The following SCN10A variants were observed in gnomAD, a reference collection of about 807,000 sequenced individuals.
The protein encoded by SCN10A is sodium channel protein type 10 subunit alpha.
A neutral mutation model predicts 170.7 loss-of-function variants in SCN10A; 162 were observed. The observed-to-expected ratio is 0.95, with a 90% CI of 0.84 to 1.08. The LOEUF is 1.08. Among genes scored for constraint, SCN10A ranks in the 50% least tolerant of loss-of-function variants. SCN10A has a pLI of 0.00. For synonymous variants in SCN10A, 985 were observed against 904.6 expected (o/e 1.09, Z -1.59); for missense variants, 2,527 against 2,436.9 (o/e 1.04, Z -0.78).
intron 8 of SCN10A, among the ~76,000 whole-genome samples, chr3:38,759,469 C>T (rs1405277404): frequency 6.6e-6 from 1 of 152,110 alleles, no homozygotes; most frequent in Admixed American, 6.5e-5. Context: ...GGAAGCCTTC[C>T]CTACTTTCTC....
intron 4 of SCN10A, among the ~76,000 whole-genome samples, chr3:38,771,808 A>T (rs2064003562): frequency 6.6e-6 from 1 of 152,206 alleles, no homozygotes; most frequent in Non-Finnish European, 1.5e-5. Flanking sequence ...ATGAGTGGTA[A>T]CTGACAGAGC....
chr3:38,717,135 A>G (rs1194620430), intron 21 of SCN10A, among the ~76,000 whole-genome samples: 1 of 152,174 alleles, frequency 6.6e-6, no homozygotes, highest in Non-Finnish European at 1.5e-5. Flanking sequence ...GATGGAAGGA[A>G]GTTTAGAATA....
At chr3:38,703,574 G>A (rs72864380) in intron 26 of SCN10A, among the ~76,000 whole-genome samples, 5,947 of 152,228 alleles carry the variant, frequency 0.039, 363 homozygotes, top group African/African-American at 0.13. Flanking sequence ...ATCCAAGGAC[G>A]CTTGTCTGAT....
intron 6 of SCN10A, among the ~76,000 whole-genome samples, chr3:38,763,098 G>A (rs907021530): frequency 6.6e-6 from 1 of 152,134 alleles, no homozygotes; most frequent in African/African-American, 2.4e-5. Context: ...TTAGACCTAC[G>A]GAAACAGTGA....
intron 13 of SCN10A, among the ~76,000 whole-genome samples, chr3:38,744,094 T>C (rs1164583143): frequency 6.6e-6 from 1 of 152,218 alleles, no homozygotes; most frequent in African/African-American, 2.4e-5. Flanking sequence ...GCATAATACA[T>C]TGTGAAAAAG....
chr3:38,802,837 G>A (rs554639074), intron 1 of SCN10A, among the ~76,000 whole-genome samples: 1 of 152,212 alleles, frequency 6.6e-6, no homozygotes, highest in South Asian at 2.1e-4. Context: ...CACAGCAAAA[G>A]AAACTACCAT....
intron 20 of SCN10A, among the ~76,000 whole-genome samples, chr3:38,720,974 G>A (rs141044126): frequency 6.6e-6 from 1 of 152,276 alleles, no homozygotes; most frequent in Non-Finnish European, 1.5e-5. Flanking sequence ...CTGTGCCAGG[G>A]CACTGGGCAC....
intron 1 of SCN10A, among the ~76,000 whole-genome samples, chr3:38,804,865 T>C (rs180751622): frequency 7.2e-5 from 11 of 152,198 alleles, no homozygotes; most frequent in Admixed American, 7.2e-4. Flanking sequence ...ATTACAAAGA[T>C]GCGGTAGCCA....
rs2064291016 is a variant in SCN10A at position 38,792,155 on chromosome 3, A to G, written c.284T>C (p.Leu95Pro). Reference sequence around the variant, plus strand: ...CCGGGAAATGGTCCTCCCTTTGTTCAGCACCATAAATGTCTGAAACAAAAC... The same window carrying G: ...CCGGGAAATGGTCCTCCCTTTGTTCGGCACCATAAATGTCTGAAACAAAAC... ...FYSTHRTFMV[L>P]NKGRTISRFS... Residue 95 changes from leucine to proline, a missense_variant, in exon 3 of 28, where the codon CTG becomes CCG. Physicochemically the swap from Leu to Pro is moderately conservative, Grantham distance 98. Coordinates refer to ENST00000449082, the MANE Select transcript of SCN10A (RefSeq NM_006514.4). 1 of 1,613,736 alleles carries G rather than the reference A, an allele frequency of 6.2e-7. No individual in the cohort carries two copies.
rs763130803 is a variant in SCN10A, at chr3:38,712,295, A to G, written c.3955T>C (p.Ser1319Pro). ...RCINYTDGEF[S>P]LVPLSIVNNK... ...TTCACAATCGACAAAGGTACAAGGG[A>G]AAACTCTCCATCGGTATAGTTGATG... The change falls in exon 23 of 28, where the codon TCC (serine) becomes CCC (proline). Residue 1319 changes from serine to proline, a missense_variant. Coordinates refer to ENST00000449082, the MANE Select transcript of SCN10A (RefSeq NM_006514.4). 4 of 1,614,216 alleles carry G rather than the reference A, an allele frequency of 2.5e-6. No homozygotes were observed. Among genetic ancestry groups the G allele is most frequent in the East Asian group, 4.5e-5 (2 of 44,886 alleles).
intron 5 of SCN10A, among the ~76,000 whole-genome samples, chr3:38,765,576 A>G (rs1264901093): frequency 6.6e-6 from 1 of 151,994 alleles, no homozygotes; most frequent in African/African-American, 2.4e-5. Context: ...CTATGTGCTT[A>G]TTTTTATACC....
intron 1 of SCN10A, among the ~76,000 whole-genome samples, chr3:38,808,540 T>C (rs909733391): frequency 1.3e-5 from 2 of 152,200 alleles, no homozygotes; most frequent in Non-Finnish European, 2.9e-5. Context: ...ATGTGACACA[T>C]GTAAGTGTTT....
chr3:38,728,797 G>A lies in SCN10A; in HGVS notation c.2385C>T (p.Ala795=). ...CCAGAGCAAAGACAAAGACAATGAT[G>A]GCCAGGATGATGGTGAGGTTCCCCA... ...GALGNLTIIL[A]IIVFVFALVG... The change falls in exon 16 of 28, where the codon GCC becomes GCT. Residue 795 remains alanine (A), a synonymous_variant. Coordinates refer to ENST00000449082, the MANE Select transcript of SCN10A (RefSeq NM_006514.4). The A allele has an allele frequency of 1.2e-6, 2 of 1,614,126 alleles. No individual in the cohort carries two copies. Among genetic ancestry groups the A allele is most frequent in the South Asian group, 2.2e-5 (2 of 91,074 alleles).
At chr3:38,798,132 G>A (rs1236301837) in intron 1 of SCN10A, among the ~76,000 whole-genome samples, 1 of 152,144 alleles carries the variant, frequency 6.6e-6, no homozygotes, top group Non-Finnish European at 1.5e-5. Context: ...GCTATTTCTA[G>A]GAATGTCATA....
chr3:38,750,332 G>A (rs558384946), intron 12 of SCN10A, 148 bp from the exon 13 acceptor site: 2 of 580,402 alleles, frequency 3.4e-6, no homozygotes, highest in Non-Finnish European at 6.2e-6. Flanking sequence ...ACATCATTAG[G>A]TGATTTCATC....
chr3:38,801,681 T>C (rs1295778442), intron 1 of SCN10A, among the ~76,000 whole-genome samples: 1 of 152,138 alleles, frequency 6.6e-6, no homozygotes, highest in Middle Eastern at 3.4e-3. Context: ...AAGAACCCAA[T>C]AGAGGTCTTT....
At chr3:38,803,501 G>A (rs1423807464) in intron 1 of SCN10A, among the ~76,000 whole-genome samples, 9 of 152,122 alleles carry the variant, frequency 5.9e-5, no homozygotes, top group Admixed American at 5.9e-4. Flanking sequence ...TCCTTTGTAG[G>A]GACATGGATG....
At chr3:38,786,554 C>T (rs1206486138) in intron 4 of SCN10A, among the ~76,000 whole-genome samples, 3 of 152,092 alleles carry the variant, frequency 2.0e-5, no homozygotes, top group Non-Finnish European at 4.4e-5. Flanking sequence ...GTGCAGCAAA[C>T]CACCATGACA....
chr3:38,730,052 T>G (rs571973015), intron 15 of SCN10A, among the ~76,000 whole-genome samples: 2 of 152,090 alleles, frequency 1.3e-5, no homozygotes, highest in Non-Finnish European at 2.9e-5. Flanking sequence ...TAAACACAAA[T>G]AAAAACTGAG....
Sources: allele counts gnomAD v4.1 joint callset (sites outside exome capture counted in the v4.1 genomes callset), GRCh38; gene constraint gnomAD v4.1.1; transcripts MANE v1.5; gene names NCBI Gene and HGNC (gene_info 2026-07-23, HGNC 2026-07-21).